Variants in PKHD1 observed in about 807,000 individuals in gnomAD.
PKHD1 encodes PKHD1 ciliary IPT domain containing fibrocystin/polyductin.
PKHD1 carries 291 observed loss-of-function variants against 412.0 expected under a neutral mutation model. That is an observed-to-expected ratio of 0.71 (90% CI 0.64 to 0.78). The LOEUF is 0.78. Among genes scored for constraint, PKHD1 ranks in the 30% least tolerant of loss-of-function variants. The pLI is 0.00. For synonymous variants in PKHD1, 1,777 were observed against 1,821.5 expected, an observed-to-expected ratio of 0.98 and a Z score of 0.62; for missense variants, 4,825 against 4,950.7, an observed-to-expected ratio of 0.97 and a Z score of 0.76.
intron 48 of PKHD1, 112 bp downstream of exon 48, chr6:51,867,751 G>A (rs1775308200): frequency 9.9e-7 from 1 of 1,013,020 alleles, no homozygotes; most frequent in Non-Finnish European, 1.5e-6. Flanking sequence ...CTTCTTTAGA[G>A]CTAAATACTT....
At chr6:52,037,661 A>G (rs1462573518) in intron 27 of PKHD1, among the ~76,000 whole-genome samples, 1 of 152,240 alleles carries the variant, frequency 6.6e-6, no homozygotes, top group Non-Finnish European at 1.5e-5. Context: ...TAAAATAGGT[A>G]AGTGTCAAAA....
chr6:51,854,883 CT>C (rs1456299572), intron 49 of PKHD1, among the ~76,000 whole-genome samples: 1 of 152,254 alleles, frequency 6.6e-6, no homozygotes, highest in Admixed American at 6.5e-5. Context: ...CCAGTGCTGG[CT>C]GCTGCCTCTC....
intron 49 of PKHD1, among the ~76,000 whole-genome samples, chr6:51,853,863 T>G (rs752356076): frequency 9.9e-5 from 15 of 152,124 alleles, no homozygotes; most frequent in Admixed American, 9.8e-4. Context: ...GGTTAGAGCA[T>G]GCTCCTTTCA....
intron 52 of PKHD1, among the ~76,000 whole-genome samples, chr6:51,794,611 T>C (rs948526686): frequency 6.6e-6 from 1 of 152,230 alleles, no homozygotes; most frequent in Non-Finnish European, 1.5e-5. Context: ...TTGTCCTGAA[T>C]GGTATTGCCT....
At chr6:51,855,551 G>C (rs568235381) in intron 49 of PKHD1, among the ~76,000 whole-genome samples, 2 of 152,222 alleles carry the variant, frequency 1.3e-5, no homozygotes, top group South Asian at 4.2e-4. Context: ...GGGTAAATTG[G>C]CTATTGACCA....
Position 52,043,063 on chromosome 6 carries a change from T to C in PKHD1, c.2893A>G (p.Thr965Ala). The C allele has an allele frequency of 6.2e-7, 1 of 1,613,864 alleles. No homozygotes were observed. Among genetic ancestry groups the C allele is most frequent in the Non-Finnish European group, 8.5e-7 (1 of 1,179,738 alleles). ...ACTTTGCAACTCGTTTTGTTCACTG[T>C]AACCTGCAAGAACTGGGAGTCACCA... ...FSGDSQFLQVTVNKTSCKVIF... is the reference protein window; with the variant it reads ...FSGDSQFLQVAVNKTSCKVIF... The change falls in exon 27 of 67, where the codon ACA becomes GCA. Residue 965 changes from threonine (T) to alanine (A), a missense_variant. By Grantham distance (58) the Thr-to-Ala change is moderately conservative (BLOSUM62 0). Transcript: ENST00000371117.
chr6:51,636,399 A>G (rs1253260013), intron 64 of PKHD1, among the ~76,000 whole-genome samples: 2 of 151,824 alleles, frequency 1.3e-5, no homozygotes, highest in Non-Finnish European at 2.9e-5. Context: ...AAATAAACCA[A>G]CTGGGTGTGG....
Position 52,027,994 on chromosome 6 carries a change from C to T in PKHD1, c.3561-98G>A, listed in dbSNP as rs1802477461. 16 of 1,180,356 alleles carry T rather than the reference C, an allele frequency of 1.4e-5. No individual in the cohort carries two copies. In the South Asian group the frequency reaches 1.8e-4, roughly 14 times the overall value. The allele number at this position is 1,180,356 out of a possible 1,614,324, so 73.1% of individuals were successfully genotyped here. A position where few individuals can be genotyped will look rare whatever the true frequency, so the allele number is the denominator to read the frequency against. ...TATGTATTTTGAGGAGAAGAGCAAA[C>T]TGTCTGTAAGTTCTCTAAGATTTGT... On this transcript the variant is annotated intron_variant, in intron 30 of 66. Transcript: ENST00000371117.
chr6:51,630,780 G>C (rs959469619), intron 65 of PKHD1, among the ~76,000 whole-genome samples: 2 of 152,116 alleles, frequency 1.3e-5, no homozygotes, highest in African/African-American at 2.4e-5. Flanking sequence ...GAAGGTATAA[G>C]GAAGAAAATA....
intron 60 of PKHD1, among the ~76,000 whole-genome samples, chr6:51,667,371 T>C (rs1347590541): frequency 7.9e-5 from 12 of 151,820 alleles, no homozygotes; most frequent in Non-Finnish European, 1.6e-4. Flanking sequence ...TCATGTCCTT[T>C]GCCCACTTTT....
chr6:51,963,484 C>G (rs1229307075), intron 35 of PKHD1, among the ~76,000 whole-genome samples: 1 of 152,122 alleles, frequency 6.6e-6, no homozygotes, highest in Non-Finnish European at 1.5e-5. Flanking sequence ...AAAATTACTG[C>G]AGCATCCACT....
rs771364784 is a variant in PKHD1, at chr6:52,082,580, T to G, written c.131-38A>C. The G allele has an allele frequency of 3.1e-6, 5 of 1,606,342 alleles. No homozygotes were observed. The South Asian group carries it at 4.4e-5, about 14-fold the overall frequency. On this transcript the variant is annotated intron_variant, in intron 3 of 66. Transcript: ENST00000371117. Reference sequence around the variant, plus strand: ...AAAGAAATCTCAGGCTGCATAGAATTGTCATTGACACAGGACAGTGTGAAA... The same window carrying G: ...AAAGAAATCTCAGGCTGCATAGAATGGTCATTGACACAGGACAGTGTGAAA...
Position 51,639,788 on chromosome 6 carries a change from C to A in PKHD1, c.11399-832G>T, listed in dbSNP as rs78147206. On this transcript the variant is annotated intron_variant, in intron 63 of 66. Transcript: ENST00000371117. ...ATGTCAATATGATTGGCATGGTGGACAAAGGGTTATGAAAGTGGTCTGAAA... is the reference window on the plus strand; with the variant it reads ...ATGTCAATATGATTGGCATGGTGGAAAAAGGGTTATGAAAGTGGTCTGAAA... Among the ~76,000 whole-genome samples, 286 of 152,136 alleles carry A rather than the reference C, an allele frequency of 1.9e-3. 8 individuals carry two copies. In the East Asian group the frequency reaches 0.05, roughly 27 times the overall value.
chr6:51,625,556 C>A (rs1767119904), intron 66 of PKHD1, among the ~76,000 whole-genome samples: 1 of 152,166 alleles, frequency 6.6e-6, no homozygotes, highest in Non-Finnish European at 1.5e-5. Context: ...ATGCTCCCCT[C>A]TCTTCAATCT....
intron 53 of PKHD1, among the ~76,000 whole-genome samples, chr6:51,787,789 T>C (rs890334896): frequency 6.6e-6 from 1 of 152,180 alleles, no homozygotes; most frequent in Non-Finnish European, 1.5e-5. Context: ...AAGGTACAAA[T>C]TTTTCAGTCA....
At chr6:51,997,235 G>T (rs1436418123) in intron 35 of PKHD1, among the ~76,000 whole-genome samples, 1 of 152,184 alleles carries the variant, frequency 6.6e-6, no homozygotes, top group Non-Finnish European at 1.5e-5. Flanking sequence ...CTGACACTCT[G>T]CAAGGCAGGG....
intron 35 of PKHD1, among the ~76,000 whole-genome samples, chr6:51,965,351 T>C (rs1172015116): frequency 6.6e-6 from 1 of 152,140 alleles, no homozygotes; most frequent in Non-Finnish European, 1.5e-5. Context: ...TCGTTTTCTC[T>C]TTTTAATCTG....
At chr6:51,627,768 G>A (rs924410832) in intron 65 of PKHD1, among the ~76,000 whole-genome samples, 2 of 152,096 alleles carry the variant, frequency 1.3e-5, no homozygotes, top group African/African-American at 4.8e-5. Flanking sequence ...CGCAAGATGA[G>A]GAGGGCTTTT....
rs749189997 is a variant in PKHD1 at position 51,868,088 on chromosome 6, C to T, written c.7508G>A (p.Ser2503Asn). The T allele has an allele frequency of 8.7e-6, 14 of 1,611,784 alleles. No homozygotes were observed. Among genetic ancestry groups the T allele is most frequent in the Non-Finnish European group, 1.2e-5 (14 of 1,178,140 alleles). The change falls in exon 48 of 67, where the codon AGC becomes AAC. Residue 2503 changes from serine (S) to asparagine (N), a missense_variant. Transcript: ENST00000371117. ...QGQGGFTVKT[S>N]QLKFTNSSNL... ...TGAAGAGTTTGTAAACTTCAACTGG[C>T]TGGTCTTCACAGTAAATCCACCTAT... is the stretch of plus-strand genomic sequence containing the variant.
Sources: allele counts gnomAD v4.1 joint callset (sites outside exome capture counted in the v4.1 genomes callset), GRCh38; gene constraint gnomAD v4.1.1; transcripts MANE v1.5; gene names NCBI Gene and HGNC (gene_info 2026-07-23, HGNC 2026-07-21).